BDKRB2: variants seen among roughly 807,000 people sequenced by gnomAD.
BDKRB2 encodes the protein B2 bradykinin receptor.
BDKRB2 carries 6 observed loss-of-function variants against 4.0 expected under a neutral mutation model. That is an observed-to-expected ratio of 1.49 (90% CI 0.81 to 2.93). The LOEUF (loss-of-function observed/expected upper bound fraction) is 2.93. Ranked by LOEUF, BDKRB2 falls within the 30% of genes most tolerant of loss-of-function variation. BDKRB2 has a pLI of 0.00. For missense variants in BDKRB2, 478 were observed against 520.1 expected, an observed-to-expected ratio of 0.92 and a Z score of 0.79; for synonymous variants, 225 against 215.3, an observed-to-expected ratio of 1.05 and a Z score of -0.40.
chr14:96,224,715 G>C (rs1890654687), intron 1 of BDKRB2, among the ~76,000 whole-genome samples: 1 of 152,170 alleles, frequency 6.6e-6, no homozygotes, highest in South Asian at 2.1e-4. Context: ...CCAGTCCTGA[G>C]AGATTCTGGG....
In BDKRB2 at chr14:96,240,099, G is replaced by A. The variant is rs890082573; in HGVS notation, c.75-304G>A. On this transcript the variant is annotated intron_variant, in intron 2 of 2. Coordinates refer to ENST00000554311, the MANE Select transcript of BDKRB2 (RefSeq NM_001379692.1). ...CCTCCCATCACGGAAGCTTCAAGGAGGTCAAGGGTCCAACACTTGAGATTG... is the reference window on the plus strand; with the variant it reads ...CCTCCCATCACGGAAGCTTCAAGGAAGTCAAGGGTCCAACACTTGAGATTG... 19 of 1,113,994 alleles carry A rather than the reference G, an allele frequency of 1.7e-5. No homozygotes were observed. The African/African-American group carries it at 2.8e-4, about 16-fold the overall frequency. 69.0% of individuals were successfully genotyped at this position (1,113,994 alleles called of 1,614,324 possible). A position where few individuals can be genotyped will look rare whatever the true frequency, so the allele number is the denominator to read the frequency against.
At chr14:96,233,193 C>T (rs894285448) in intron 1 of BDKRB2, among the ~76,000 whole-genome samples, 2 of 152,156 alleles carry the variant, frequency 1.3e-5, no homozygotes, top group African/African-American at 4.8e-5. Context: ...CCACCACGCT[C>T]ACCTAATTTT....
intron 1 of BDKRB2, among the ~76,000 whole-genome samples, chr14:96,209,165 T>C (rs1890250411): frequency 6.6e-6 from 1 of 152,226 alleles, no homozygotes. Context: ...CTCTGGGGAC[T>C]GTGATTTGAA....
intron 1 of BDKRB2, among the ~76,000 whole-genome samples, chr14:96,218,319 G>T (rs1046292296): frequency 1.1e-4 from 17 of 152,060 alleles, no homozygotes; most frequent in African/African-American, 4.1e-4. Context: ...GCATGTCTGT[G>T]GTCCTTGATG....
At chr14:96,233,126 A>G (rs1890856309) in intron 1 of BDKRB2, among the ~76,000 whole-genome samples, 1 of 152,172 alleles carries the variant, frequency 6.6e-6, no homozygotes, top group African/African-American at 2.4e-5. Context: ...CCCCGGGCTC[A>G]GCTGATCCTC....
rs75605280 is a variant in BDKRB2 at position 96,211,599 on chromosome 14, T to A, written c.-40+6640T>A. Reference sequence around the variant, plus strand: ...TGAAAACCTGGGGGGACTCCTCAAATGAACTGTAGCACATTGGGGAGATGG... The same window carrying A: ...TGAAAACCTGGGGGGACTCCTCAAAAGAACTGTAGCACATTGGGGAGATGG... On this transcript the variant is annotated intron_variant, in intron 1 of 2. Transcript: ENST00000554311. Among the ~76,000 whole-genome samples the A allele has an allele frequency of 0.014, 2,121 of 152,306 alleles. 148 individuals carry two copies. In the East Asian group the frequency reaches 0.2, roughly 14 times the overall value.
intron 1 of BDKRB2, among the ~76,000 whole-genome samples, chr14:96,209,201 C>G (rs1350476997): frequency 6.6e-6 from 1 of 152,198 alleles, no homozygotes; most frequent in Non-Finnish European, 1.5e-5. Flanking sequence ...ACTGAAATGA[C>G]AGACTGCGGC....
At position 96,241,177 on chromosome 14, in the gene BDKRB2, G is replaced by A. The variant is rs1885279592; in HGVS notation, c.849G>A (p.Trp283Ter). Residue 283 changes from tryptophan (W) to a stop codon, truncating the protein, a stop_gained, in exon 3 of 3, where the codon TGG (tryptophan) becomes TGA (stop). Transcript: ENST00000554311. LOFTEE classifies it low-confidence loss of function (END_TRUNC). ...TGCTGCTGCTATTCATCATCTGCTG[G>A]CTGCCCTTCCAGATCAGCACCTTCC... ...LVVLLLFIIC[W>*]LPFQISTFLD... 6.2e-7 allele frequency: 1 copy of A among 1,605,352 alleles called. No individual in the cohort carries two copies.
At chr14:96,239,233 C>T (rs981195065) in intron 2 of BDKRB2, 6 of 981,234 alleles carry the variant, frequency 6.1e-6, no homozygotes, top group Non-Finnish European at 2.4e-6. Context: ...TTCAGTGTGT[C>T]TTCGCATCCA....
intron 1 of BDKRB2, among the ~76,000 whole-genome samples, chr14:96,211,329 G>A (rs1013712067): frequency 4.6e-5 from 7 of 152,336 alleles, no homozygotes; most frequent in South Asian, 2.1e-4. Flanking sequence ...TTGTGCATGC[G>A]CTGCTGCACC....
At chr14:96,216,715 A>AGGAAGGAGGAGGAG (rs1566688857) in intron 1 of BDKRB2, among the ~76,000 whole-genome samples, 2 of 72,394 alleles carry the variant, frequency 2.8e-5, no homozygotes, top group African/African-American at 8.9e-5. Flanking sequence ...AGGAGGAGGA[A>AGGAAGGAGGAGGAG]GAGGAAGGAG....
intron 1 of BDKRB2, among the ~76,000 whole-genome samples, chr14:96,228,175 G>A (rs1754543574): frequency 6.6e-6 from 1 of 152,252 alleles, no homozygotes; most frequent in African/African-American, 2.4e-5. Flanking sequence ...CCTTGTGTGA[G>A]GGGAAGCATG....
chr14:96,239,700 G>A (rs1885220950), intron 2 of BDKRB2: 1 of 929,628 alleles, frequency 1.1e-6, no homozygotes, highest in African/African-American at 1.8e-5. Flanking sequence ...TTACAGGTGA[G>A]GTCATTGTGG....
At chr14:96,224,738 C>A (rs1890655240) in intron 1 of BDKRB2, among the ~76,000 whole-genome samples, 1 of 152,172 alleles carries the variant, frequency 6.6e-6, no homozygotes, top group East Asian at 1.9e-4. Context: ...CGTTTCCCTG[C>A]AGATCAGCTC....
At chr14:96,207,859 A>G (rs1239408385) in intron 1 of BDKRB2, among the ~76,000 whole-genome samples, 1 of 152,108 alleles carries the variant, frequency 6.6e-6, no homozygotes, top group African/African-American at 2.4e-5. Flanking sequence ...CCTCAGGGTC[A>G]TGAGTCAAAC....
chr14:96,218,426 C>T (rs1890477644), intron 1 of BDKRB2, among the ~76,000 whole-genome samples: 1 of 152,124 alleles, frequency 6.6e-6, no homozygotes, highest in Non-Finnish European at 1.5e-5. Context: ...AGGCTCTTCA[C>T]CTAAACCTCC....
At position 96,213,702 on chromosome 14, in the gene BDKRB2, G is replaced by C. The variant is rs575924771; in HGVS notation, c.-40+8743G>C. 2.1e-4 allele frequency among the ~76,000 whole-genome samples: 32 copies of C among 152,324 alleles called. No homozygotes were observed. The East Asian group carries it at 6.2e-3, about 29-fold the overall frequency. On this transcript the variant is annotated intron_variant, in intron 1 of 2. Coordinates refer to ENST00000554311, the MANE Select transcript of BDKRB2 (RefSeq NM_001379692.1). ...AGGGAGGGTGCACAGTGGAGAGAAA[G>C]GGTAGGGGAGACTGCCCAGTGCCAT...
At position 96,233,264 on chromosome 14, in the gene BDKRB2, G is replaced by A. The variant is rs552024314; in HGVS notation, c.-39-3805G>A. ...GGCCAGGCTGGTCTCCCACTCCTGGGCTCAAGCGATCCGCCTGCCTCAGCC... is the reference window on the plus strand; with the variant it reads ...GGCCAGGCTGGTCTCCCACTCCTGGACTCAAGCGATCCGCCTGCCTCAGCC... On this transcript the variant is annotated intron_variant, in intron 1 of 2. Transcript: ENST00000554311. 1.1e-4 allele frequency among the ~76,000 whole-genome samples: 16 copies of A among 152,298 alleles called. No homozygotes were observed. In the East Asian group the frequency reaches 2.5e-3, roughly 24 times the overall value.
intron 1 of BDKRB2, among the ~76,000 whole-genome samples, chr14:96,226,029 A>G (rs186752981): frequency 3.3e-5 from 5 of 152,242 alleles, no homozygotes; most frequent in East Asian, 1.9e-4. Flanking sequence ...TCCCAGCCTG[A>G]GCTGTTCCTT....
Sources: allele counts gnomAD v4.1 joint callset (sites outside exome capture counted in the v4.1 genomes callset), GRCh38; gene constraint gnomAD v4.1.1; transcripts MANE v1.5; gene names NCBI Gene and HGNC (gene_info 2026-07-23, HGNC 2026-07-21).